The following GALNT13 variants were observed in gnomAD, a reference collection of about 807,000 sequenced individuals.
GALNT13 encodes the protein UDP-GalNAc:polypeptide N-acetylgalactosaminyltransferase 13.
GALNT13 carries 28 observed loss-of-function variants against 64.2 expected under a neutral mutation model. The observed-to-expected ratio is 0.44, with a 90% CI of 0.32 to 0.60. GALNT13 has a LOEUF of 0.60. Among genes scored for constraint, GALNT13 ranks in the 20% least tolerant of loss-of-function variants. The pLI is 0.05. For synonymous variants in GALNT13, 214 were observed against 224.6 expected (o/e 0.95, Z 0.42); for missense variants, 577 against 669.8 (o/e 0.86, Z 1.53).
intron 3 of GALNT13, among the ~76,000 whole-genome samples, chr2:154,129,151 T>C (rs1278613687): frequency 6.6e-6 from 1 of 152,192 alleles, no homozygotes; most frequent in East Asian, 1.9e-4. Flanking sequence ...CCACTATATG[T>C]GCCTCACCAT....
chr2:153,841,486 TAC>T, the GALNT13 span, among the ~76,000 whole-genome samples: 2 of 152,122 alleles, frequency 1.3e-5, no homozygotes, highest in African/African-American at 4.8e-5. Flanking sequence ...CATTGAAACA[TAC>T]ACAGTCATCA....
At chr2:153,193,421 G>T in the GALNT13 span, among the ~76,000 whole-genome samples, 1 of 131,960 alleles carries the variant, frequency 7.6e-6, no homozygotes, top group African/African-American at 2.8e-5. Context: ...ACAGGAAGGG[G>T]AATATCACAC....
At chr2:153,542,345 AAC>A in the GALNT13 span, among the ~76,000 whole-genome samples, 11 of 95,034 alleles carry the variant, frequency 1.2e-4, no homozygotes, top group Non-Finnish European at 1.8e-4. Context: ...CAAACAAACA[AAC>A]ACACACACAC....
At chr2:154,288,648 AAGTCTGAGATCC>A (rs956654356) in intron 8 of GALNT13, among the ~76,000 whole-genome samples, 1 of 152,222 alleles carries the variant, frequency 6.6e-6, no homozygotes, top group Non-Finnish European at 1.5e-5. Context: ...GGCTTCATGC[AAGTCTGAGATCC>A]AGTGGGGCAG....
At chr2:153,601,401 C>G in the GALNT13 span, among the ~76,000 whole-genome samples, 404 of 151,730 alleles carry the variant, frequency 2.7e-3, 3 homozygotes, top group African/African-American at 9.1e-3. Flanking sequence ...TAAGAAAGAA[C>G]TTGTAAATGA....
intron 1 of GALNT13, among the ~76,000 whole-genome samples, chr2:153,875,650 A>G (rs1355176667): frequency 6.6e-6 from 1 of 152,220 alleles, no homozygotes; most frequent in Admixed American, 6.5e-5. Flanking sequence ...ACAGTAACAA[A>G]TGGGTATTTT....
chr2:154,070,511 A>G (rs1272850601), intron 3 of GALNT13, among the ~76,000 whole-genome samples: 1 of 152,174 alleles, frequency 6.6e-6, no homozygotes, highest in African/African-American at 2.4e-5. Context: ...AGAAGAGATC[A>G]TGAAAAAAGA....
rs935691739 is a variant in GALNT13, at chr2:153,926,241, A to G, written c.-104-18153A>G. The G allele has an allele frequency of 2.6e-5, 4 of 152,116 alleles. No homozygotes were observed. The East Asian group carries it at 5.8e-4, about 22-fold the overall frequency. 9.4% of individuals were successfully genotyped at this position (152,116 alleles called of 1,614,324 possible). ...GTTTTCAATATATTAAAATTTATTT[A>G]CATGAGATGAATATACAATTTATTG... On this transcript the variant is annotated intron_variant, in intron 2 of 12. Transcript: ENST00000392825.
At chr2:153,343,367 T>G in the GALNT13 span, among the ~76,000 whole-genome samples, 1 of 152,312 alleles carries the variant, frequency 6.6e-6, no homozygotes, top group African/African-American at 2.4e-5. Flanking sequence ...TAATAGCTAT[T>G]ATGTTATTTA....
chr2:154,129,364 C>A (rs183845729), intron 3 of GALNT13, among the ~76,000 whole-genome samples: 30 of 152,258 alleles, frequency 2.0e-4, no homozygotes, highest in Non-Finnish European at 4.3e-4. Flanking sequence ...TTAATTTTTT[C>A]TTCTTCTTGA....
the GALNT13 span, among the ~76,000 whole-genome samples, chr2:153,404,605 T>A: frequency 3.3e-5 from 5 of 152,190 alleles, no homozygotes; most frequent in African/African-American, 4.8e-5. Context: ...GTCTACATCA[T>A]TTCTCTCTGA....
In GALNT13 at chr2:154,032,398, G is replaced by A. The variant is rs929340637; in HGVS notation, c.142+87759G>A. 8.6e-5 allele frequency among the ~76,000 whole-genome samples: 13 copies of A among 151,730 alleles called. 1 individual carries two copies. Among genetic ancestry groups the A allele is most frequent in the Middle Eastern group, 6.8e-3 (2 of 292 alleles). On this transcript the variant is annotated intron_variant, in intron 3 of 12. Coordinates refer to ENST00000392825, the MANE Select transcript of GALNT13 (RefSeq NM_052917.4). ...ATTCTACCCAGTCACTTCCCGAAAG[G>A]AGAAGTAGCACTTTCGATTTATCTA...
the GALNT13 span, among the ~76,000 whole-genome samples, chr2:153,637,324 G>A: frequency 1.3e-5 from 2 of 152,090 alleles, no homozygotes; most frequent in African/African-American, 4.8e-5. Context: ...TCTATCACAT[G>A]ATCTTTAATT....
chr2:153,379,126 T>G, the GALNT13 span, among the ~76,000 whole-genome samples: 1 of 152,170 alleles, frequency 6.6e-6, no homozygotes, highest in Non-Finnish European at 1.5e-5. Context: ...TCTTTAGATG[T>G]GATTATGCAC....
chr2:153,837,214 A>T, the GALNT13 span, among the ~76,000 whole-genome samples: 1 of 152,124 alleles, frequency 6.6e-6, no homozygotes, highest in African/African-American at 2.4e-5. Context: ...CTGGTGTGAG[A>T]TGATACCTCA....
the GALNT13 span, among the ~76,000 whole-genome samples, chr2:153,767,366 G>C: frequency 6.6e-6 from 1 of 152,072 alleles, no homozygotes; most frequent in East Asian, 1.9e-4. Flanking sequence ...TGGACACTTA[G>C]TTGGCTTAAT....
At chr2:153,635,443 C>CATATATATGTATATATATATAT in the GALNT13 span, among the ~76,000 whole-genome samples, 2,245 of 143,524 alleles carry the variant, frequency 0.016, 94 homozygotes, top group Non-Finnish European at 0.021. Context: ...TATATATACA[C>CATATATATGTATATATATATAT]ACATATATAT....
the GALNT13 span, among the ~76,000 whole-genome samples, chr2:153,490,690 T>C: frequency 6.6e-6 from 1 of 152,226 alleles, no homozygotes; most frequent in African/African-American, 2.4e-5. Flanking sequence ...CTGAGCGCAG[T>C]GGCTCACACC....
chr2:154,136,461 C>A, intron 3 of GALNT13, among the ~76,000 whole-genome samples: 1 of 151,918 alleles, frequency 6.6e-6, no homozygotes. Context: ...AGACACTGCC[C>A]ACTAATAAAG....
Sources: gnomAD v4.1 joint callset for allele counts (sites outside exome capture counted in the v4.1 genomes callset) on GRCh38, gnomAD v4.1.1 for gene constraint, MANE v1.5 for transcripts, NCBI Gene and HGNC (gene_info 2026-07-23, HGNC 2026-07-21) for gene names.